CEP120: variants seen among roughly 807,000 people sequenced by gnomAD.
The protein encoded by CEP120 is centrosomal protein 120.
Under a neutral mutation model 126.5 loss-of-function variants are expected in CEP120, and 113 were observed. That is an observed-to-expected ratio of 0.89 (90% confidence interval 0.77 to 1.04). CEP120 has a LOEUF of 1.04. Among genes scored for constraint, CEP120 ranks in the 50% least tolerant of loss-of-function variants. The pLI, the probability that CEP120 is intolerant of heterozygous loss-of-function variation, is 0.00. For synonymous variants in CEP120, 400 were observed against 394.3 expected, an observed-to-expected ratio of 1.01 and a Z score of -0.17; for missense variants, 1,230 against 1,155.7, an observed-to-expected ratio of 1.06 and a Z score of -0.93.
At chr5:123,409,708 A>C (rs1773910565) in intron 4 of CEP120, among the ~76,000 whole-genome samples, 1 of 152,204 alleles carries the variant, frequency 6.6e-6, no homozygotes, top group Non-Finnish European at 1.5e-5. Context: ...CTGTAAGCCC[A>C]GCACTTTGGG....
chr5:123,383,566 A>G (rs943882352), intron 11 of CEP120, among the ~76,000 whole-genome samples: 8 of 152,108 alleles, frequency 5.3e-5, no homozygotes, highest in Non-Finnish European at 1.0e-4. Context: ...GAATTTATGT[A>G]GTAAAATATA....
chr5:123,419,828 A>G (rs894990491), intron 1 of CEP120, among the ~76,000 whole-genome samples: 2 of 152,164 alleles, frequency 1.3e-5, no homozygotes, highest in African/African-American at 4.8e-5. Flanking sequence ...AAGAGAAACA[A>G]ACCAAAAAAA....
chr5:123,385,549 C>A (rs1771959890), intron 10 of CEP120, among the ~76,000 whole-genome samples: 1 of 151,784 alleles, frequency 6.6e-6, no homozygotes, highest in African/African-American at 2.4e-5. Flanking sequence ...ACAATGTTCA[C>A]ACAACAATAG....
chr5:123,389,359 A>G (rs141120561), intron 8 of CEP120, among the ~76,000 whole-genome samples: 153 of 152,344 alleles, frequency 1.0e-3, no homozygotes, highest in African/African-American at 3.4e-3. Flanking sequence ...TGCAAAAACT[A>G]TATTATTTAA....
Position 123,385,019 on chromosome 5 carries a change from T to C in CEP120, c.1695A>G (p.Leu565=). ...NILSSEKTRF[L]GSNGEQCWRQ... ...GCCAACACTGTTCACCATTAGAACC[T>C]AAAAAACGAGTTTTTTCTGAAGACA... is the stretch of plus-strand genomic sequence containing the variant. The change falls in exon 11 of 20, where the codon TTA becomes TTG. Residue 565 remains leucine (L), a synonymous_variant. Coordinates refer to ENST00000306467, the MANE Select transcript of CEP120 (RefSeq NM_001375405.1). 6.2e-7 allele frequency: 1 copy of C among 1,613,798 alleles called. No individual in the cohort carries two copies. The highest frequency in any genetic ancestry group is 8.5e-7 in the Non-Finnish European group (1 of 1,179,796).
intron 18 of CEP120, among the ~76,000 whole-genome samples, chr5:123,359,920 A>G (rs934389760): frequency 6.6e-6 from 1 of 152,014 alleles, no homozygotes; most frequent in Admixed American, 6.6e-5. Context: ...TCTTATTTCC[A>G]AGCTTTACCA....
Position 123,386,631 on chromosome 5 carries a change from A to C in CEP120, c.1467T>G (p.Ile489Met). The C allele has an allele frequency of 6.3e-7, 1 of 1,577,358 alleles. No individual in the cohort carries two copies. Among genetic ancestry groups the C allele is most frequent in the Non-Finnish European group, 8.6e-7 (1 of 1,160,816 alleles). Reference sequence around the variant, plus strand: ...GAACTTCTACAGGAGGATTAGTCATAATAGGAGCTGCACTTCCAAAGAATG... The same window carrying C: ...GAACTTCTACAGGAGGATTAGTCATCATAGGAGCTGCACTTCCAAAGAATG... ...SYPFFGSAAP[I>M]MTNPPVEVRK... is the part of the protein sequence containing the mutation. The change falls in exon 10 of 20, where the codon ATT becomes ATG. Residue 489 changes from isoleucine (I) to methionine (M), a missense_variant. Physicochemically the swap from Ile to Met is conservative, Grantham distance 10 (BLOSUM62 1). Coordinates refer to ENST00000306467, the MANE Select transcript of CEP120 (RefSeq NM_001375405.1).
chr5:123,395,063 GAGA>G (rs1772684198), intron 5 of CEP120, among the ~76,000 whole-genome samples: 1 of 152,202 alleles, frequency 6.6e-6, no homozygotes, highest in Non-Finnish European at 1.5e-5. Flanking sequence ...GAGGGGTTTA[GAGA>G]AGATTTTCAT....
At position 123,383,024 on chromosome 5, in the gene CEP120, C is replaced by T; in HGVS notation, c.1822G>A (p.Val608Ile). 6.3e-7 allele frequency: 1 copy of T among 1,591,186 alleles called. No homozygotes were observed. The highest frequency in any genetic ancestry group is 1.1e-5 in the South Asian group (1 of 89,716). The change falls in exon 12 of 20, where the codon GTA (valine) becomes ATA (isoleucine). Residue 608 changes from valine to isoleucine, a missense_variant. Coordinates refer to ENST00000306467, the MANE Select transcript of CEP120 (RefSeq NM_001375405.1). ...GAGATAAAAATCTCACGCATTTTTA[C>T]TAGTCCATAATCTTCTAGAGTCACT... ...YTVTLEDYGL[V>I]KMREIFISDS... is the part of the protein sequence containing the mutation.
chr5:123,377,582 T>TTATACTATTCGATATTCCAATATCTTTC, intron 15 of CEP120, 47 bp from the exon 16 acceptor site: 1 of 1,432,624 alleles, frequency 7.0e-7, no homozygotes, highest in Non-Finnish European at 9.5e-7. Context: ...GCTAGCTGCA[T>TTATACTATTCGATATTCCAATATCTTTC]TATACTATTC....
chr5:123,404,594 GAGA>G (rs1377455885), intron 4 of CEP120, among the ~76,000 whole-genome samples: 2 of 152,208 alleles, frequency 1.3e-5, no homozygotes, highest in Non-Finnish European at 2.9e-5. Flanking sequence ...GTACTGGTAA[GAGA>G]AGAAGCTGAA....
At position 123,377,495 on chromosome 5, in the gene CEP120, C is replaced by T. The variant is rs375645626; in HGVS notation, c.2237G>A (p.Arg746Gln). Residue 746 changes from arginine (R) to glutamine (Q), a missense_variant, in exon 16 of 20, where the codon CGG (arginine) becomes CAG (glutamine). Coordinates refer to ENST00000306467, the MANE Select transcript of CEP120 (RefSeq NM_001375405.1). ...EKKELQSERQ[R>Q]NLQELQDSIR... ...AGAGTCCTGCAGTTCTTGCAGGTTC[C>T]GCTGACGTTCTGATTGCAGTTCCTT... 2.8e-5 allele frequency: 45 copies of T among 1,594,330 alleles called. No individual in the cohort carries two copies. Among genetic ancestry groups the T allele is most frequent in the African/African-American group, 8.2e-5 (6 of 73,478 alleles).
chr5:123,395,139 A>C (rs1343000085), intron 5 of CEP120, among the ~76,000 whole-genome samples: 1 of 152,250 alleles, frequency 6.6e-6, no homozygotes, highest in Non-Finnish European at 1.5e-5. Context: ...AGATCCTTAT[A>C]TATTTCACAG....
At chr5:123,419,084 T>C (rs768669416) in intron 1 of CEP120, among the ~76,000 whole-genome samples, 4 of 152,184 alleles carry the variant, frequency 2.6e-5, no homozygotes, top group African/African-American at 7.2e-5. Context: ...CCTGTTAAAA[T>C]GTAGATTTTG....
rs1481264279 is a variant in CEP120, at chr5:123,364,544, G to A, written c.2532C>T (p.Tyr844=). 6.2e-7 allele frequency: 1 copy of A among 1,607,194 alleles called. No individual in the cohort carries two copies. Among genetic ancestry groups the A allele is most frequent in the Non-Finnish European group, 8.5e-7 (1 of 1,175,484 alleles). ...LESATKSKLH[Y]KQQWGRALKE... ...TCAAAGCTCGTCCCCACTGCTGCTT[G>A]TAATGCAGTTTAGACTTAGTTGCAG... The change falls in exon 18 of 20, where the codon TAC becomes TAT. Residue 844 remains tyrosine (Y), a synonymous_variant. Coordinates refer to ENST00000306467, the MANE Select transcript of CEP120 (RefSeq NM_001375405.1).
chr5:123,419,723 C>T (rs1322698322), intron 1 of CEP120, among the ~76,000 whole-genome samples: 2 of 152,102 alleles, frequency 1.3e-5, no homozygotes, highest in East Asian at 3.9e-4. Context: ...TCAATGTTTA[C>T]TGAAGACATA....
chr5:123,393,100 A>C (rs116535283), intron 6 of CEP120, among the ~76,000 whole-genome samples, 200 bp downstream of exon 6: 1 of 152,260 alleles, frequency 6.6e-6, no homozygotes, highest in Non-Finnish European at 1.5e-5. Context: ...GTATTATCTC[A>C]TAAAATTCTG....
At chr5:123,401,824 C>T in intron 4 of CEP120, 2 of 1,433,476 alleles carry the variant, frequency 1.4e-6, no homozygotes, top group Non-Finnish European at 2.0e-6. Flanking sequence ...TTCTTGAAGT[C>T]CTCCACCAGC....
rs751286843 is a variant in CEP120, at chr5:123,388,603, C to T, written c.1259G>A (p.Ser420Asn). The change falls in exon 9 of 20, where the codon AGT becomes AAT. Residue 420 changes from serine to asparagine, a missense_variant. Coordinates refer to ENST00000306467, the MANE Select transcript of CEP120 (RefSeq NM_001375405.1). The part of the protein sequence containing the change: ...DKDTKPNPKA[S>N]SSVPASLAQL... ...GGCCAGTGAAGCAGGTACAGAAGAA[C>T]TGGCTGAAATGAACATAAAATAAAA... 1.3e-6 allele frequency: 2 copies of T among 1,567,784 alleles called. No homozygotes were observed. The highest frequency in any genetic ancestry group is 2.1e-5 in the Admixed American group (1 of 48,518).
Sources: gnomAD v4.1 joint callset for allele counts (sites outside exome capture counted in the v4.1 genomes callset) on GRCh38, gnomAD v4.1.1 for gene constraint, MANE v1.5 for transcripts, NCBI Gene and HGNC (gene_info 2026-07-23, HGNC 2026-07-21) for gene names.